SLC19A1: variants seen among roughly 807,000 people sequenced by gnomAD.
The protein encoded by SLC19A1 is reduced folate transporter.
In SLC19A1, 37 loss-of-function variants were observed where a neutral mutation model predicts 35.3. The ratio of observed to expected loss-of-function variants is 1.05; its 90% CI spans 0.81 to 1.38. SLC19A1 has a LOEUF of 1.38. Ranked by LOEUF, SLC19A1 falls within the 40% of genes most tolerant of loss-of-function variation. SLC19A1 has a pLI of 0.00. For missense variants in SLC19A1, 831 were observed against 826.9 expected, an observed-to-expected ratio of 1.00 and a Z score of -0.06; for synonymous variants, 460 against 398.5, an observed-to-expected ratio of 1.15 and a Z score of -1.84.
downstream of SLC19A1, among the ~76,000 whole-genome samples, chr21:45,511,859 G>A (rs987668472): frequency 5.3e-5 from 8 of 152,312 alleles, no homozygotes; most frequent in South Asian, 6.2e-4. Flanking sequence ...CCCGGGAGGC[G>A]GAGCTGGTTC....
chr21:45,538,137 C>A, intron 1 of SLC19A1, 129 bp from the exon 2 acceptor site: 3 of 529,718 alleles, frequency 5.7e-6, no homozygotes, highest in Non-Finnish European at 9.8e-6. Flanking sequence ...CGAATGCAGA[C>A]CCCAGACCCA....
At chr21:45,509,579 G>GCCA (rs1246532550), downstream of SLC19A1, 3 of 1,524,304 alleles carry the variant, frequency 2.0e-6, no homozygotes, top group Non-Finnish European at 2.6e-6. Context: ...CCCGCCCACA[G>GCCA]CCACCGCGAC....
upstream of SLC19A1, among the ~76,000 whole-genome samples, chr21:45,544,680 G>C (rs114698762): frequency 0.06 from 9,142 of 152,180 alleles, 348 homozygotes; most frequent in African/African-American, 0.097. Context: ...TGTGGATCCC[G>C]GCCCTCCAGC....
At position 45,530,460 on chromosome 21, in the gene SLC19A1, G is replaced by A. The variant is rs1400675122; in HGVS notation, c.1151+310C>T. ...TGAACTCACACAGGTGCAAGCTCCC[G>A]CTCCTGCCTGGATGGGGTCTCAGCA... On this transcript the variant is annotated intron_variant, in intron 4 of 5. Transcript: ENST00000311124. The surrounding 1 kb of genome is among the most constrained non-coding windows in gnomAD (Gnocchi z 5.3). 6.6e-6 allele frequency among the ~76,000 whole-genome samples: 1 copy of A among 152,104 alleles called. No individual in the cohort carries two copies. Among genetic ancestry groups the A allele is most frequent in the Non-Finnish European group, 1.5e-5 (1 of 68,002 alleles).
chr21:45,541,216 TTCGGAAAGAAAGCAATTA>T (rs2078293036), intron 1 of SLC19A1, among the ~76,000 whole-genome samples: 1 of 152,136 alleles, frequency 6.6e-6, no homozygotes, highest in South Asian at 2.1e-4. Flanking sequence ...CCAAAGCCCC[TTCGGAAAGAAAGCAATTA>T]GCAATTGCAA....
intron 3 of SLC19A1, chr21:45,502,744 A>C (rs1009726722): frequency 6.6e-6 from 1 of 152,164 alleles, no homozygotes; most frequent in South Asian, 2.1e-4. Flanking sequence ...GGGTGGAGGG[A>C]CCCTCAAGTC....
chr21:45,559,134 T>C (rs1009647383), intron 1 of SLC19A1, among the ~76,000 whole-genome samples: 3 of 152,072 alleles, frequency 2.0e-5, no homozygotes, highest in African/African-American at 7.2e-5. Flanking sequence ...TGGAAGTCAA[T>C]AACTACATAA....
rs1014043385 is a variant in SLC19A1 at position 45,517,635 on chromosome 21, G to A, written c.1294-1495C>T. Among the ~76,000 whole-genome samples, 1 of 129,478 alleles carries A rather than the reference G, an allele frequency of 7.7e-6. No homozygotes were observed. Among genetic ancestry groups the A allele is most frequent in the African/African-American group, 3.4e-5 (1 of 29,792 alleles). The allele number at this position is 129,478 out of a possible 152,430, so 84.9% of individuals were successfully genotyped here. ...GAGCCTGGCCTCTTATCCTCACCCA[G>A]TAGTAAGAGCGTGCCTGTCCTGTCC... On this transcript the variant is annotated intron_variant, in intron 5 of 5. Coordinates refer to ENST00000311124, the MANE Select transcript of SLC19A1 (RefSeq NM_194255.4). This position sits in a 1 kb window ranked among gnomAD's most constrained non-coding sequence, Gnocchi z 4.4.
intron 2 of SLC19A1, among the ~76,000 whole-genome samples, chr21:45,532,805 T>TA (rs2077978119): frequency 6.6e-6 from 1 of 152,222 alleles, no homozygotes; most frequent in Non-Finnish European, 1.5e-5. Flanking sequence ...AACACAGCTG[T>TA]AACCCATACA....
In SLC19A1 at chr21:45,531,968, G is replaced by T. The variant is rs781467744; in HGVS notation, c.370C>A (p.Leu124Ile). Residue 124 changes from leucine (L) to isoleucine (I), a missense_variant, in exon 3 of 6, where the codon CTC becomes ATC. Physicochemically the swap from Leu to Ile is conservative, Grantham distance 5 (BLOSUM62 2). Coordinates refer to ENST00000311124, the MANE Select transcript of SLC19A1 (RefSeq NM_194255.4). ...GCGGCCATGGTGACGCTGTAGAAGA[G>T]CTCCATGAGCTGCATGTGCGCCACC... ...HSVAHMQLME[L>I]FYSVTMAARI... The T allele has an allele frequency of 6.2e-7, 1 of 1,609,466 alleles. No homozygotes were observed. The highest frequency in any genetic ancestry group is 8.5e-7 in the Non-Finnish European group (1 of 1,179,162).
downstream of SLC19A1, among the ~76,000 whole-genome samples, chr21:45,508,269 T>G (rs375585700): frequency 9.1e-4 from 126 of 138,744 alleles, no homozygotes; most frequent in Middle Eastern, 4.6e-3. Flanking sequence ...GGTGGGTGAG[T>G]GGATGGGTAG....
At chr21:45,505,401 GC>G in intron 3 of SLC19A1, 3 of 1,583,942 alleles carry the variant, frequency 1.9e-6, no homozygotes, top group Non-Finnish European at 2.6e-6. Flanking sequence ...GGCCCCCTGG[GC>G]CCCCTGGAAC....
downstream of SLC19A1, chr21:45,510,018 G>T (rs2037481297): frequency 6.5e-7 from 1 of 1,529,872 alleles, no homozygotes; most frequent in East Asian, 2.5e-5. Flanking sequence ...CCTGGGTGCA[G>T]GGGGCAGCGT....
At chr21:45,506,695 G>C (rs1389589063) in intron 3 of SLC19A1, 1 of 167,544 alleles carries the variant, frequency 6.0e-6, no homozygotes, top group African/African-American at 2.4e-5. Context: ...CACTGACACA[G>C]CCCTGACTCC....
At chr21:45,526,893 G>C (rs1450890115) in intron 4 of SLC19A1, among the ~76,000 whole-genome samples, 1 of 152,216 alleles carries the variant, frequency 6.6e-6, no homozygotes, top group East Asian at 1.9e-4. Flanking sequence ...GTTTTGATTA[G>C]GGATGCTGAA....
intron 3 of SLC19A1, chr21:45,505,130 G>C: frequency 6.2e-7 from 1 of 1,608,332 alleles, no homozygotes; most frequent in East Asian, 2.2e-5. Context: ...GTCGCCGTCC[G>C]TAGGGTCCCA....
intron 3 of SLC19A1, among the ~76,000 whole-genome samples, chr21:45,503,651 G>T (rs1196414607): frequency 1.8e-5 from 2 of 112,556 alleles, no homozygotes; most frequent in Admixed American, 1.1e-4. Flanking sequence ...TGGGGGGAGG[G>T]GGGAGGGATA....
In SLC19A1 at chr21:45,506,179, G is replaced by A. The variant is rs12483553; in HGVS notation, c.498-7567C>T. On this transcript the variant is annotated intron_variant, in intron 3 of 4. Transcript: ENST00000417954. ...AAAGTGAGCTCAAGCTTCTGAAAGT[G>A]GATGAACACATGGCGTGTGAGGGGC... 69,969 of 651,166 alleles carry A rather than the reference G, an allele frequency of 0.11. 4,135 individuals carry two copies. The highest frequency in any genetic ancestry group is 0.18 in the Admixed American group (6,956 of 39,454). The allele number at this position is 651,166 out of a possible 1,614,324, so 40.3% of individuals were successfully genotyped here.
At chr21:45,537,679 C>T (rs2078166540) in intron 2 of SLC19A1, 92 bp downstream of exon 2, 1 of 1,214,618 alleles carries the variant, frequency 8.2e-7, no homozygotes, top group Non-Finnish European at 1.1e-6. Context: ...TGGCGGCCGC[C>T]CCCGCATCCC....
Sources: gnomAD v4.1 joint callset for allele counts (sites outside exome capture counted in the v4.1 genomes callset) on GRCh38, gnomAD v4.1.1 for gene constraint, Gnocchi (gnomAD v3.1) non-coding constraint, MANE v1.5 for transcripts, NCBI Gene and HGNC (gene_info 2026-07-23, HGNC 2026-07-21) for gene names.